The following PTPN3 variants were observed in gnomAD, a reference collection of about 807,000 sequenced individuals.
PTPN3 encodes the protein protein tyrosine phosphatase non-receptor type 3, also known as tyrosine-protein phosphatase non-receptor type 3.
In PTPN3, 96 loss-of-function variants were observed where a neutral mutation model predicts 132.7. That is an observed-to-expected ratio of 0.72 (90% CI 0.61 to 0.86). PTPN3 has a LOEUF of 0.86. Among genes scored for constraint, PTPN3 ranks in the 40% least tolerant of loss-of-function variants. PTPN3 has a pLI of 0.00. For synonymous variants in PTPN3, 398 were observed against 429.0 expected (o/e 0.93, Z 0.89); for missense variants, 1,125 against 1,159.6 (o/e 0.97, Z 0.43).
the PTPN3 span, among the ~76,000 whole-genome samples, chr9:109,527,713 A>T: frequency 6.6e-6 from 1 of 152,230 alleles, no homozygotes; most frequent in Non-Finnish European, 1.5e-5. Context: ...CAGGTATGAA[A>T]GTATCATATG....
intron 14 of PTPN3, among the ~76,000 whole-genome samples, chr9:109,415,266 T>A (rs897154477): frequency 2.9e-4 from 44 of 152,160 alleles, no homozygotes; most frequent in African/African-American, 1.0e-3. Flanking sequence ...AGTAATAATA[T>A]TATCATGTTA....
In PTPN3 at chr9:109,427,132, A is replaced by G; in HGVS notation, c.829-10T>C. On this transcript the variant is annotated splice_polypyrimidine_tract_variant and intron_variant, in intron 11 of 25. Coordinates refer to ENST00000374541, the MANE Select transcript of PTPN3 (RefSeq NM_002829.4). ...GTTCCCTGGATTCAGCCTGGGAGGA[A>G]AAACAGTCAAGATTTCACCCACACA... The G allele has an allele frequency of 1.2e-6, 2 of 1,613,462 alleles. No homozygotes were observed. Among genetic ancestry groups the G allele is most frequent in the Non-Finnish European group, 1.7e-6 (2 of 1,179,640 alleles).
chr9:109,437,067 A>C (rs371606553), intron 8 of PTPN3, 97 bp from the exon 9 acceptor site: 6 of 1,539,988 alleles, frequency 3.9e-6, no homozygotes, highest in South Asian at 3.6e-5. Flanking sequence ...CATTTCTGTA[A>C]GGTTATTAAA....
rs147353148 is a variant in PTPN3 at position 109,411,155 on chromosome 9, C to T, written c.1314-740G>A. On this transcript the variant is annotated intron_variant, in intron 14 of 25. Transcript: ENST00000374541. ...AGTGCAGTCAGAGAACATTTCACCA[C>T]GGCAGGAAGTCCTGCTGGACAGCGC... is the stretch of plus-strand genomic sequence containing the variant. Among the ~76,000 whole-genome samples, 208 of 152,316 alleles carry T rather than the reference C, an allele frequency of 1.4e-3. 1 individual carries two copies. The highest frequency in any genetic ancestry group is 4.6e-3 in the African/African-American group (193 of 41,562).
At chr9:109,472,038 GT>G (rs1056976056) in intron 1 of PTPN3, among the ~76,000 whole-genome samples, 2 of 152,226 alleles carry the variant, frequency 1.3e-5, no homozygotes, top group African/African-American at 4.8e-5. Context: ...CTTGGCAGCT[GT>G]CCCATCACTC....
rs1839869303 is a variant in PTPN3 at position 109,389,360 on chromosome 9, T to A, written c.2126A>T (p.Asn709Ile). The change falls in exon 22 of 26, where the codon AAC becomes ATC. Residue 709 changes from asparagine to isoleucine, a missense_variant. Transcript: ENST00000374541. ...AGTGGCGATGTACTTGTTCACAAGGTTAGCAGCAGGAATTTCCATCTGGTA... is the reference window on the plus strand; with the variant it reads ...AGTGGCGATGTACTTGTTCACAAGGATAGCAGCAGGAATTTCCATCTGGTA... The part of the protein sequence containing the change: ...SYVNMEIPAA[N>I]LVNKYIATQG... 1.9e-6 allele frequency: 3 copies of A among 1,613,542 alleles called. No individual in the cohort carries two copies. The East Asian group carries it at 6.7e-5, about 36-fold the overall frequency.
the PTPN3 span, among the ~76,000 whole-genome samples, chr9:109,532,611 C>A: frequency 2.0e-5 from 3 of 150,898 alleles, no homozygotes; most frequent in Non-Finnish European, 2.9e-5. Context: ...AAACTAAACT[C>A]ATTTGTTATT....
intron 23 of PTPN3, among the ~76,000 whole-genome samples, chr9:109,382,751 GTT>G (rs113019092): frequency 2.3e-3 from 297 of 127,148 alleles, no homozygotes; most frequent in African/African-American, 6.6e-3. Context: ...CATGCTGACT[GTT>G]TTTTTTTTTT....
chr9:109,383,245 G>T (rs1457706239), intron 23 of PTPN3, 178 bp downstream of exon 23: 4 of 1,075,746 alleles, frequency 3.7e-6, no homozygotes, highest in South Asian at 1.4e-5. Context: ...CGTGCCTGTT[G>T]TGACTAGGGC....
At chr9:109,462,150 C>G (rs1845873061) in intron 2 of PTPN3, among the ~76,000 whole-genome samples, 1 of 152,246 alleles carries the variant, frequency 6.6e-6, no homozygotes, top group African/African-American at 2.4e-5. Flanking sequence ...CCCATTCCCA[C>G]TCTCTGCCAG....
At chr9:109,503,294 G>A (rs1042433692), upstream of PTPN3, among the ~76,000 whole-genome samples, 2 of 152,136 alleles carry the variant, frequency 1.3e-5, no homozygotes, top group Admixed American at 6.5e-5. Flanking sequence ...TGCTAGAGAA[G>A]CGTTAGTCAA....
intron 7 of PTPN3, among the ~76,000 whole-genome samples, chr9:109,443,025 A>C (rs1037148166): frequency 1.3e-5 from 2 of 151,920 alleles, no homozygotes. Flanking sequence ...AGGTGAGAAA[A>C]CCAAGATTAG....
intron 19 of PTPN3, among the ~76,000 whole-genome samples, chr9:109,404,021 G>C (rs909029143): frequency 6.6e-5 from 10 of 152,070 alleles, no homozygotes; most frequent in Non-Finnish European, 1.3e-4. Context: ...CAGAGAGCTG[G>C]TTCCTTCACC....
At chr9:109,381,348 G>A (rs1324611409) in intron 25 of PTPN3, among the ~76,000 whole-genome samples, 1 of 152,200 alleles carries the variant, frequency 6.6e-6, no homozygotes, top group South Asian at 2.1e-4. Flanking sequence ...GAGCCAAAAG[G>A]AGTACCCAGG....
intron 9 of PTPN3, among the ~76,000 whole-genome samples, chr9:109,433,473 C>T (rs1843805407): frequency 6.6e-6 from 1 of 152,162 alleles, no homozygotes; most frequent in Admixed American, 6.5e-5. Context: ...TTTCAACAAT[C>T]AGCACTAAAT....
At chr9:109,533,901 G>T in the PTPN3 span, 1 of 756,344 alleles carries the variant, frequency 1.3e-6, no homozygotes. Flanking sequence ...CATCTATAAG[G>T]GTTACGGTCT....
At chr9:109,468,979 G>A (rs1158862614) in intron 1 of PTPN3, among the ~76,000 whole-genome samples, 1 of 152,232 alleles carries the variant, frequency 6.6e-6, no homozygotes, top group Non-Finnish European at 1.5e-5. Flanking sequence ...CAGCTTGCTA[G>A]AGTTAAAAGA....
intron 14 of PTPN3, among the ~76,000 whole-genome samples, chr9:109,415,125 T>C (rs1403871520): frequency 7.1e-6 from 1 of 141,024 alleles, no homozygotes; most frequent in Non-Finnish European, 1.6e-5. Flanking sequence ...CATCCATCCA[T>C]CCAAATAGTC....
At chr9:109,500,513 A>G (rs368060192), upstream of PTPN3, among the ~76,000 whole-genome samples, 2 of 152,274 alleles carry the variant, frequency 1.3e-5, no homozygotes, top group African/African-American at 4.8e-5. Context: ...AGTACTCAAT[A>G]ACAGAGGGAT....
Sources: gnomAD v4.1 joint callset for allele counts (sites outside exome capture counted in the v4.1 genomes callset) on GRCh38, gnomAD v4.1.1 for gene constraint, MANE v1.5 for transcripts, NCBI Gene and HGNC (gene_info 2026-07-23, HGNC 2026-07-21) for gene names.